The following LITAF variants were observed in gnomAD, a reference collection of about 807,000 sequenced individuals.
LITAF encodes the protein lipopolysaccharide-induced tumor necrosis factor-alpha factor.
LITAF carries 9 observed loss-of-function variants against 14.5 expected under a neutral mutation model. The ratio of observed to expected loss-of-function variants is 0.62; its 90% CI spans 0.37 to 1.08. LITAF has a LOEUF of 1.08. Ranked by LOEUF, LITAF falls within the 50% of genes least tolerant of loss-of-function variation. The pLI, the probability that LITAF is intolerant of heterozygous loss-of-function variation, is 0.01. For missense variants in LITAF, 206 were observed against 213.4 expected (o/e 0.97, Z 0.22); for synonymous variants, 98 against 88.2 (o/e 1.11, Z -0.62).
intron 1 of LITAF, among the ~76,000 whole-genome samples, chr16:11,582,541 T>G (rs2064754087): frequency 6.6e-6 from 1 of 152,038 alleles, no homozygotes; most frequent in East Asian, 1.9e-4. Context: ...AGGAGAAATA[T>G]TCAATTCTAC....
chr16:11,556,107 A>G (rs2064263354), intron 2 of LITAF, among the ~76,000 whole-genome samples: 1 of 152,194 alleles, frequency 6.6e-6, no homozygotes, highest in African/African-American at 2.4e-5. Context: ...TGAAAACACA[A>G]TCACACATTG....
chr16:11,637,895 A>T (rs1427015926), upstream of LITAF, among the ~76,000 whole-genome samples: 5 of 84,900 alleles, frequency 5.9e-5, 1 homozygote, highest in African/African-American at 3.0e-4. Context: ...AAAAAAAAAA[A>T]AACTATATAT....
chr16:11,562,539 A>C (rs1330204296), intron 1 of LITAF, among the ~76,000 whole-genome samples: 1 of 152,048 alleles, frequency 6.6e-6, no homozygotes, highest in African/African-American at 2.4e-5. Flanking sequence ...GCCACTTGGG[A>C]TATCTTGGGG....
chr16:11,599,269 C>G (rs150692092), upstream of LITAF, among the ~76,000 whole-genome samples: 28 of 152,098 alleles, frequency 1.8e-4, no homozygotes, highest in African/African-American at 6.8e-4. Context: ...AGGCATGCAT[C>G]ACCATGCCCG....
Position 11,548,995 on chromosome 16 carries a change from T to C in LITAF, c.*642A>G, listed in dbSNP as rs1436654539. 1 of 454,022 alleles carries C rather than the reference T, an allele frequency of 2.2e-6. No individual in the cohort carries two copies. The highest frequency in any genetic ancestry group is 1.6e-5 in the South Asian group (1 of 64,466). The allele number at this position is 454,022 out of a possible 1,614,324, so 28.1% of individuals were successfully genotyped here. A position where few individuals can be genotyped will look rare whatever the true frequency, so the allele number is the denominator to read the frequency against. On this transcript the variant is annotated 3_prime_UTR_variant, in exon 4 of 4. Transcript: ENST00000622633. ...AAGATCCAGCCCTATTTTTCTAGCA[T>C]GCATTTACGACCTTGTGGATATGTC...
intron 3 of LITAF, among the ~76,000 whole-genome samples, chr16:11,611,041 C>A (rs1443092647): frequency 1.3e-5 from 2 of 152,036 alleles, no homozygotes; most frequent in African/African-American, 4.8e-5. Flanking sequence ...TCCTACCTCC[C>A]AGATACGGTT....
At chr16:11,589,619 C>CTTTTT (rs60950577), upstream of LITAF, among the ~76,000 whole-genome samples, 7 of 103,910 alleles carry the variant, frequency 6.7e-5, no homozygotes, top group Admixed American at 2.3e-4. Context: ...AAATCAGTTG[C>CTTTTT]TTTTTTTTTT....
At chr16:11,614,088 G>T (rs1388179801) in intron 3 of LITAF, among the ~76,000 whole-genome samples, 1 of 152,076 alleles carries the variant, frequency 6.6e-6, no homozygotes, top group Non-Finnish European at 1.5e-5. Context: ...TGCAGGCTCA[G>T]AAGGATGTCC....
rs1258462662 is a variant in LITAF at position 11,614,299 on chromosome 16, T to C, written c.85+19234A>G. ...TTTCCTCTTCTTTCTTTTTCTTTTCTTTTTTTTTTTTTTTTCTTGAGACAG... is the reference window on the plus strand; with the variant it reads ...TTTCCTCTTCTTTCTTTTTCTTTTCCTTTTTTTTTTTTTTTCTTGAGACAG... On this transcript the variant is annotated intron_variant, in intron 3 of 3. Transcript: ENST00000574848. 7.4e-5 allele frequency among the ~76,000 whole-genome samples: 3 copies of C among 40,360 alleles called. No individual in the cohort carries two copies. In the African/African-American group the frequency reaches 7.9e-4, roughly 11 times the overall value. 26.5% of individuals were successfully genotyped at this position (40,360 alleles called of 152,430 possible).
intron 1 of LITAF, among the ~76,000 whole-genome samples, chr16:11,562,339 G>GAAA (rs2064383439): frequency 8.0e-5 from 10 of 124,946 alleles, no homozygotes; most frequent in African/African-American, 2.6e-4. Flanking sequence ...AAAAAAAAAA[G>GAAA]AAGGAAGAAA....
At chr16:11,629,239 G>T (rs1359044620) in intron 3 of LITAF, 1 of 152,342 alleles carries the variant, frequency 6.6e-6, no homozygotes, top group Admixed American at 6.5e-5. Flanking sequence ...GGACACCGAG[G>T]ACTTTGGGGA....
At chr16:11,612,030 A>G (rs2141879421) in intron 3 of LITAF, among the ~76,000 whole-genome samples, 1 of 152,234 alleles carries the variant, frequency 6.6e-6, no homozygotes, top group African/African-American at 2.4e-5. Flanking sequence ...CATCCAACGC[A>G]ACTTAATGGC....
At chr16:11,590,741 T>A (rs753663299), upstream of LITAF, among the ~76,000 whole-genome samples, 5 of 117,746 alleles carry the variant, frequency 4.2e-5, 2 homozygotes, top group Non-Finnish European at 8.5e-5. Context: ...TGTTGTTGTT[T>A]TGTGTTTTTG....
chr16:11,606,905 C>T (rs539455010), intron 3 of LITAF, among the ~76,000 whole-genome samples: 1 of 152,304 alleles, frequency 6.6e-6, no homozygotes, highest in East Asian at 1.9e-4. Context: ...GGTCAGAGTG[C>T]TGGGATTACA....
At chr16:11,624,174 C>T (rs1217268507) in intron 3 of LITAF, among the ~76,000 whole-genome samples, 1 of 152,152 alleles carries the variant, frequency 6.6e-6, no homozygotes, top group Non-Finnish European at 1.5e-5. Flanking sequence ...CTTGCCTCTG[C>T]TCTCCTCTGT....
At chr16:11,576,350 T>A (rs2141815218) in intron 1 of LITAF, among the ~76,000 whole-genome samples, 1 of 152,042 alleles carries the variant, frequency 6.6e-6, no homozygotes, top group Middle Eastern at 3.4e-3. Flanking sequence ...ATGCCTGTAG[T>A]CCCAGTTACT....
chr16:11,548,138 G>A lies in LITAF; in HGVS notation c.*1499C>T, dbSNP rs1196091977. ...AGGGGGATCAATGGTTACCACTATCGTTTTCAACCAATATACAGATGTTCG... is the reference window on the plus strand; with the variant it reads ...AGGGGGATCAATGGTTACCACTATCATTTTCAACCAATATACAGATGTTCG... On this transcript the variant is annotated 3_prime_UTR_variant, in exon 4 of 4. Transcript: ENST00000622633. The A allele has an allele frequency of 6.6e-6, 3 of 454,050 alleles. No homozygotes were observed. The highest frequency in any genetic ancestry group is 1.6e-5 in the South Asian group (1 of 64,478). 28.1% of individuals were successfully genotyped at this position (454,050 alleles called of 1,614,324 possible).
chr16:11,579,608 A>T (rs1047398974), intron 1 of LITAF, among the ~76,000 whole-genome samples: 1 of 152,184 alleles, frequency 6.6e-6, no homozygotes, highest in Admixed American at 6.5e-5. Flanking sequence ...TGGGAACTCC[A>T]GATAAAGTCT....
At chr16:11,613,831 A>C (rs2064999051) in intron 3 of LITAF, among the ~76,000 whole-genome samples, 1 of 152,224 alleles carries the variant, frequency 6.6e-6, no homozygotes, top group Non-Finnish European at 1.5e-5. Context: ...CTGTACTCCG[A>C]GAGCCGGCCT....
Sources: allele counts gnomAD v4.1 joint callset (sites outside exome capture counted in the v4.1 genomes callset), GRCh38; gene constraint gnomAD v4.1.1; transcripts MANE v1.5; gene names NCBI Gene and HGNC (gene_info 2026-07-23, HGNC 2026-07-21).